STPG2: variants seen among roughly 807,000 people sequenced by gnomAD.
The protein encoded by STPG2 is sperm-tail PG-rich repeat-containing protein 2.
A neutral mutation model predicts 54.2 loss-of-function variants in STPG2; 56 were observed. The observed-to-expected ratio is 1.03, with a 90% CI of 0.83 to 1.29. The LOEUF is 1.29. STPG2 is among the 50% of genes most tolerant of loss of function. STPG2 has a pLI of 0.00. For missense variants in STPG2, 596 were observed against 544.9 expected, an observed-to-expected ratio of 1.09 and a Z score of -0.93; for synonymous variants, 200 against 181.8, an observed-to-expected ratio of 1.10 and a Z score of -0.81.
intron 5 of STPG2, among the ~76,000 whole-genome samples, chr4:98,044,829 C>T (rs1389196702): frequency 6.6e-6 from 1 of 152,160 alleles, no homozygotes; most frequent in Non-Finnish European, 1.5e-5. Context: ...TTCTTCTAAT[C>T]AAACTAATTT....
At chr4:97,469,172 T>C (rs1238670201) in intron 4 of STPG2, among the ~76,000 whole-genome samples, 1 of 152,264 alleles carries the variant, frequency 6.6e-6, no homozygotes, top group Admixed American at 6.5e-5. Context: ...GTAGTGCTAT[T>C]AAAATCCACC....
rs186480482 is a variant in STPG2 at position 97,797,399 on chromosome 4, G to A, written c.1204+43374C>T. ...TTTCTTGAGAGTTTTTAGCATGAAG[G>A]GCTGTTGAATTTTGTCAAAGGCCTT... On this transcript the variant is annotated intron_variant, in intron 9 of 10. Coordinates refer to ENST00000295268, the MANE Select transcript of STPG2 (RefSeq NM_174952.3). Among the ~76,000 whole-genome samples the A allele has an allele frequency of 1.6e-3, 239 of 152,210 alleles. 1 individual carries two copies. Among genetic ancestry groups the A allele is most frequent in the Middle Eastern group, 3.4e-3 (1 of 294 alleles).
At chr4:97,981,854 T>A (rs982881743) in intron 5 of STPG2, among the ~76,000 whole-genome samples, 13 of 147,562 alleles carry the variant, frequency 8.8e-5, no homozygotes, top group African/African-American at 2.7e-4. Flanking sequence ...TATATATATA[T>A]AACTATAAAT....
intron 10 of STPG2, among the ~76,000 whole-genome samples, chr4:97,566,950 C>T (rs9996836): frequency 0.84 from 126,808 of 150,968 alleles, 53,758 homozygotes; most frequent in African/African-American, 0.96. Flanking sequence ...AGTTAATGGG[C>T]GCAGCACACC....
At chr4:97,582,571 C>A (rs1732889525) in intron 10 of STPG2, among the ~76,000 whole-genome samples, 1 of 151,944 alleles carries the variant, frequency 6.6e-6, no homozygotes, top group Non-Finnish European at 1.5e-5. Context: ...AAATCTATTT[C>A]TCTGACAAAT....
At chr4:97,771,955 G>A (rs771580740) in intron 9 of STPG2, among the ~76,000 whole-genome samples, 6 of 152,170 alleles carry the variant, frequency 3.9e-5, no homozygotes, top group Non-Finnish European at 8.8e-5. Context: ...AGATTGCTGA[G>A]GGCCTGTACA....
chr4:97,632,631 T>TTA (rs1721329366), intron 10 of STPG2, among the ~76,000 whole-genome samples: 1 of 152,146 alleles, frequency 6.6e-6, no homozygotes, highest in Non-Finnish European at 1.5e-5. Context: ...TCAATATGCT[T>TTA]TATACATTCA....
intron 8 of STPG2, among the ~76,000 whole-genome samples, chr4:97,883,133 C>CA (rs1730438944): frequency 6.6e-6 from 1 of 151,418 alleles, no homozygotes; most frequent in South Asian, 2.1e-4. Flanking sequence ...GCATGGGCAA[C>CA]ATAGGGAGAC....
intron 4 of STPG2, among the ~76,000 whole-genome samples, chr4:97,539,299 T>A (rs553235172): frequency 3.9e-5 from 6 of 152,022 alleles, no homozygotes; most frequent in East Asian, 1.9e-4. Context: ...AGGAAACCCA[T>A]CTCACATGCA....
chr4:97,906,119 C>A (rs369305787), intron 8 of STPG2, among the ~76,000 whole-genome samples: 1 of 151,508 alleles, frequency 6.6e-6, no homozygotes, highest in African/African-American at 2.4e-5. Context: ...AGACCGCTAG[C>A]AAGACTAATA....
At chr4:97,552,027 G>A (rs900923045) in intron 4 of STPG2, among the ~76,000 whole-genome samples, 6 of 152,024 alleles carry the variant, frequency 3.9e-5, no homozygotes, top group African/African-American at 1.4e-4. Flanking sequence ...GTTGGAGATT[G>A]GATTGTCTAC....
intron 9 of STPG2, among the ~76,000 whole-genome samples, chr4:97,779,829 C>T (rs938680858): frequency 1.3e-5 from 2 of 152,144 alleles, no homozygotes. Context: ...TCCAGCCAAA[C>T]TAAGCTTCAT....
In STPG2 at chr4:97,450,064, G is replaced by A. The variant is rs146823942; in HGVS notation, c.463-262231C>T. On this transcript the variant is annotated intron_variant, in intron 4 of 4. Transcript: ENST00000522676. ...AATTGGAACTGAATAAAGTTTGTGGGGTAATCCTTCAATCATTAAAAAGTC... is the reference window on the plus strand; with the variant it reads ...AATTGGAACTGAATAAAGTTTGTGGAGTAATCCTTCAATCATTAAAAAGTC... 1.8e-3 allele frequency among the ~76,000 whole-genome samples: 268 copies of A among 152,028 alleles called. 2 individuals are homozygous for A. Among genetic ancestry groups the A allele is most frequent in the African/African-American group, 6.3e-3 (260 of 41,462 alleles).
intron 9 of STPG2, among the ~76,000 whole-genome samples, chr4:97,721,351 T>A (rs1002037848): frequency 6.6e-6 from 1 of 152,130 alleles, no homozygotes; most frequent in African/African-American, 2.4e-5. Flanking sequence ...TTTCCCCAAG[T>A]AATTACTCAG....
At chr4:97,978,563 G>A (rs1410549661) in intron 6 of STPG2, among the ~76,000 whole-genome samples, 2 of 152,014 alleles carry the variant, frequency 1.3e-5, no homozygotes, top group African/African-American at 2.4e-5. Context: ...ATGGGTACTA[G>A]GATTAATATC....
chr4:97,923,999 G>A (rs1732234750), intron 8 of STPG2, among the ~76,000 whole-genome samples: 1 of 152,154 alleles, frequency 6.6e-6, no homozygotes. Flanking sequence ...AACCCACTTG[G>A]GTCCCCTTCC....
At chr4:97,616,539 GATATCAC>G (rs1368539719) in intron 10 of STPG2, among the ~76,000 whole-genome samples, 3 of 151,976 alleles carry the variant, frequency 2.0e-5, no homozygotes, top group Admixed American at 2.0e-4. Flanking sequence ...TGGAGACTAG[GATATCAC>G]TTTTATTTTA....
chr4:97,820,907 C>T (rs1220671093), intron 9 of STPG2, among the ~76,000 whole-genome samples: 1 of 152,118 alleles, frequency 6.6e-6, no homozygotes, highest in Non-Finnish European at 1.5e-5. Flanking sequence ...CAGGCCCCAC[C>T]TCCAAAATAA....
chr4:97,943,430 T>G (rs1733069660), intron 8 of STPG2, among the ~76,000 whole-genome samples: 1 of 152,204 alleles, frequency 6.6e-6, no homozygotes, highest in Non-Finnish European at 1.5e-5. Context: ...TACTCACTAC[T>G]AGGTATTTAT....
Sources: allele counts gnomAD v4.1 joint callset (sites outside exome capture counted in the v4.1 genomes callset), GRCh38; gene constraint gnomAD v4.1.1; transcripts MANE v1.5; gene names NCBI Gene and HGNC (gene_info 2026-07-23, HGNC 2026-07-21).